Variants in CALD1 observed in about 807,000 individuals in gnomAD.
CALD1 encodes caldesmon 1.
In CALD1, 33 loss-of-function variants were observed where a neutral mutation model predicts 99.9. That is an observed-to-expected ratio of 0.33 (90% confidence interval 0.25 to 0.44). The LOEUF is 0.44. Ranked by LOEUF, CALD1 falls within the 20% of genes least tolerant of loss-of-function variation. The pLI is 1.00. For synonymous variants in CALD1, 310 were observed against 325.0 expected (o/e 0.95, Z 0.50); for missense variants, 861 against 962.1 (o/e 0.89, Z 1.39).
At chr7:134,712,805 A>G in the CALD1 span, among the ~76,000 whole-genome samples, 1 of 152,222 alleles carries the variant, frequency 6.6e-6, no homozygotes, top group Non-Finnish European at 1.5e-5. Flanking sequence ...ACAGCAGTCT[A>G]AGACGGAATC....
intron 3 of CALD1, among the ~76,000 whole-genome samples, chr7:134,906,425 T>C (rs898722842): frequency 6.6e-6 from 1 of 152,174 alleles, no homozygotes; most frequent in East Asian, 1.9e-4. Flanking sequence ...ACATCTAGAT[T>C]GTAAAATAGA....
chr7:134,732,147 A>T, the CALD1 span, among the ~76,000 whole-genome samples: 6 of 152,244 alleles, frequency 3.9e-5, no homozygotes, highest in Admixed American at 3.3e-4. Context: ...TTAATGCAAT[A>T]ATTTCCTAAC....
At chr7:134,855,793 G>A (rs1422065150) in intron 2 of CALD1, among the ~76,000 whole-genome samples, 1 of 152,156 alleles carries the variant, frequency 6.6e-6, no homozygotes, top group African/African-American at 2.4e-5. Flanking sequence ...AATTGCAAAT[G>A]TACTCCAAAG....
At chr7:134,864,214 G>A (rs1800694539) in intron 2 of CALD1, among the ~76,000 whole-genome samples, 1 of 152,056 alleles carries the variant, frequency 6.6e-6, no homozygotes, top group Non-Finnish European at 1.5e-5. Context: ...GGGTGTGGCG[G>A]TATACACCTG....
At chr7:134,962,947 A>G (rs754075401) in intron 13 of CALD1, 25 of 455,614 alleles carry the variant, frequency 5.5e-5, no homozygotes, top group Admixed American at 1.4e-4. Context: ...AATTCCATTT[A>G]TATTTCCCCT....
chr7:134,928,115 T>G (rs1320850706), intron 3 of CALD1: 1 of 316,378 alleles, frequency 3.2e-6, no homozygotes, highest in Non-Finnish European at 6.6e-6. Flanking sequence ...TATTTTTGGT[T>G]CAATACTTTG....
intron 3 of CALD1, among the ~76,000 whole-genome samples, chr7:134,894,440 A>G (rs989170518): frequency 6.6e-6 from 1 of 152,200 alleles, no homozygotes; most frequent in Non-Finnish European, 1.5e-5. Context: ...TATTGAGTAA[A>G]TCAAACTCAA....
At chr7:134,765,525 T>G (rs1343162218) in intron 1 of CALD1, among the ~76,000 whole-genome samples, 6 of 152,196 alleles carry the variant, frequency 3.9e-5, no homozygotes, top group Non-Finnish European at 5.9e-5. Context: ...ACTTATGCGA[T>G]TCCATGTACA....
intron 7 of CALD1, chr7:134,944,512 A>C (rs1446461842): frequency 6.6e-6 from 1 of 151,488 alleles, no homozygotes; most frequent in Non-Finnish European, 1.5e-5. Flanking sequence ...CAGTGTTTAA[A>C]AAGCATGATA....
At chr7:134,947,371 C>T (rs528296402) in intron 7 of CALD1, 137 bp from the exon 8 acceptor site, 2 of 868,568 alleles carry the variant, frequency 2.3e-6, no homozygotes, top group African/African-American at 1.7e-5. Context: ...GACCCCTTCC[C>T]CAGCCTACCC....
intron 1 of CALD1, among the ~76,000 whole-genome samples, chr7:134,758,788 G>A (rs1459099512): frequency 6.6e-6 from 1 of 152,146 alleles, no homozygotes; most frequent in Non-Finnish European, 1.5e-5. Context: ...ACAACTGCAT[G>A]TACACAGGGC....
chr7:134,839,001 G>A (rs1401407371), intron 1 of CALD1, among the ~76,000 whole-genome samples: 3 of 152,126 alleles, frequency 2.0e-5, no homozygotes, highest in Non-Finnish European at 2.9e-5. Flanking sequence ...CAGAATGAAC[G>A]CAACTGAGTA....
At chr7:134,833,241 T>C (rs1483621177) in intron 1 of CALD1, among the ~76,000 whole-genome samples, 2 of 152,232 alleles carry the variant, frequency 1.3e-5, no homozygotes, top group African/African-American at 2.4e-5. Flanking sequence ...TTTTGGCATA[T>C]GAATGGAAGC....
chr7:134,964,482 A>T (rs1047358239), intron 13 of CALD1, among the ~76,000 whole-genome samples: 1 of 152,152 alleles, frequency 6.6e-6, no homozygotes, highest in Non-Finnish European at 1.5e-5. Flanking sequence ...TTGCACCAAC[A>T]TTCACCAGTC....
intron 1 of CALD1, among the ~76,000 whole-genome samples, chr7:134,768,576 C>G (rs1796846771): frequency 6.6e-6 from 1 of 152,134 alleles, no homozygotes; most frequent in Non-Finnish European, 1.5e-5. Context: ...GACAAAGAAG[C>G]ACAGTGGCTT....
intron 3 of CALD1, among the ~76,000 whole-genome samples, chr7:134,901,593 C>T (rs1009875680): frequency 6.6e-5 from 10 of 151,992 alleles, no homozygotes; most frequent in South Asian, 2.1e-4. Flanking sequence ...TACTATGAGC[C>T]GGGTGTCTTA....
intron 1 of CALD1, among the ~76,000 whole-genome samples, chr7:134,760,083 C>T (rs1796763265): frequency 6.6e-6 from 1 of 152,148 alleles, no homozygotes; most frequent in South Asian, 2.1e-4. Context: ...TCGCCAGGTG[C>T]TCAGTGTGTT....
intron 3 of CALD1, chr7:134,868,033 G>C (rs756973666): frequency 3.1e-6 from 1 of 322,432 alleles, no homozygotes; most frequent in African/African-American, 2.2e-5. Flanking sequence ...ATTGATAACT[G>C]CATATTGATA....
At chr7:134,955,892 A>AGATGGATG (rs1807727990) in intron 9 of CALD1, among the ~76,000 whole-genome samples, 2 of 152,158 alleles carry the variant, frequency 1.3e-5, no homozygotes, top group African/African-American at 4.8e-5. Context: ...AAAATAGGAT[A>AGATGGATG]GATGGATGGA....
Sources: allele counts gnomAD v4.1 joint callset (sites outside exome capture counted in the v4.1 genomes callset), GRCh38; gene constraint gnomAD v4.1.1; transcripts MANE v1.5; gene names NCBI Gene and HGNC (gene_info 2026-07-23, HGNC 2026-07-21).